The following TANC2 variants were observed in gnomAD, a reference collection of about 807,000 sequenced individuals.
The protein encoded by TANC2 is tetratricopeptide repeat, ankyrin repeat and coiled-coil containing 2, also known as protein TANC2.
Under a neutral mutation model 210.5 loss-of-function variants are expected in TANC2, and 26 were observed. The observed-to-expected ratio is 0.12, with a 90% CI of 0.09 to 0.17. The LOEUF (loss-of-function observed/expected upper bound fraction) is 0.17. Among genes scored for constraint, TANC2 ranks in the 10% least tolerant of loss-of-function variants. The pLI, the probability that TANC2 is intolerant of heterozygous loss-of-function variation, is 1.00. For synonymous variants in TANC2, 931 were observed against 967.1 expected, an observed-to-expected ratio of 0.96 and a Z score of 0.69; for missense variants, 2,129 against 2,608.9, an observed-to-expected ratio of 0.82 and a Z score of 4.01.
chr17:63,076,765 G>A (rs909456879), intron 3 of TANC2, among the ~76,000 whole-genome samples: 2 of 152,038 alleles, frequency 1.3e-5, no homozygotes, highest in African/African-American at 4.8e-5. Context: ...TTTAAAAAAG[G>A]CTCTTAGGCA....
intron 4 of TANC2, chr17:63,125,254 G>T (rs887882358): frequency 2.0e-5 from 3 of 152,134 alleles, no homozygotes; most frequent in Non-Finnish European, 2.9e-5. Context: ...AAGAATTAAA[G>T]GAATTTTTAC....
rs546605743 is a variant in TANC2, at chr17:63,100,287, G to A, written c.322+930G>A. Among the ~76,000 whole-genome samples, 120 of 152,114 alleles carry A rather than the reference G, an allele frequency of 7.9e-4. 2 individuals are homozygous for A. The highest frequency in any genetic ancestry group is 2.7e-3 in the African/African-American group (112 of 41,530). On this transcript the variant is annotated intron_variant, in intron 4 of 27. Transcript: ENST00000689528. ...CTATGTAGAGTGAAACTTTTTCACT[G>A]TTTATAATTTTCATTAAAATAATAG... is the stretch of plus-strand genomic sequence containing the variant.
At chr17:63,099,502 A>AC (rs2037542854) in intron 4 of TANC2, 145 bp downstream of exon 4, 1 of 443,956 alleles carries the variant, frequency 2.3e-6, no homozygotes, top group Non-Finnish European at 3.8e-6. Context: ...CTAAAAAAAA[A>AC]ACTCCAACTG....
At chr17:63,398,333 G>A (rs1162329962) in intron 18 of TANC2, among the ~76,000 whole-genome samples, 2 of 152,016 alleles carry the variant, frequency 1.3e-5, no homozygotes, top group African/African-American at 2.4e-5. Context: ...GTGCATGCCT[G>A]TAGTCCCAGC....
intron 5 of TANC2, among the ~76,000 whole-genome samples, chr17:63,183,445 T>C (rs1158247403): frequency 2.6e-5 from 4 of 152,266 alleles, no homozygotes; most frequent in African/African-American, 7.2e-5. Context: ...GGATGTTTTC[T>C]AGTTGTGGAT....
intron 9 of TANC2, among the ~76,000 whole-genome samples, chr17:63,312,384 T>TA (rs1316273350): frequency 6.6e-6 from 1 of 152,072 alleles, no homozygotes; most frequent in Admixed American, 6.5e-5. Flanking sequence ...TATATAGCCA[T>TA]AAAAAAGAAT....
At chr17:63,414,978 T>C (rs2147370818) in intron 25 of TANC2, among the ~76,000 whole-genome samples, 1 of 152,288 alleles carries the variant, frequency 6.6e-6, no homozygotes, top group African/African-American at 2.4e-5. Flanking sequence ...TTTCCAAAAA[T>C]GGGGAACACT....
chr17:63,153,551 G>T (rs1389324143), intron 5 of TANC2: 1 of 152,146 alleles, frequency 6.6e-6, no homozygotes, highest in South Asian at 2.1e-4. Context: ...AGTAGGTCTG[G>T]AGTGGGTCAA....
intron 13 of TANC2, among the ~76,000 whole-genome samples, chr17:63,354,316 A>G (rs1298576812): frequency 6.6e-6 from 1 of 152,166 alleles, no homozygotes; most frequent in East Asian, 1.9e-4. Context: ...CATTTTATAC[A>G]TCTGTGTTGT....
Position 63,107,879 on chromosome 17 carries a change from A to G in TANC2, c.322+8522A>G, listed in dbSNP as rs568897570. ...AGGGTTTCATTTTGGGGTGATGAAAATGTTCTAAACTTAGATTATGCTGAC... is the reference window on the plus strand; with the variant it reads ...AGGGTTTCATTTTGGGGTGATGAAAGTGTTCTAAACTTAGATTATGCTGAC... On this transcript the variant is annotated intron_variant, in intron 4 of 27. Transcript: ENST00000689528. 1.3e-4 allele frequency among the ~76,000 whole-genome samples: 19 copies of G among 151,836 alleles called. No individual in the cohort carries two copies. The South Asian group carries it at 3.9e-3, about 31-fold the overall frequency.
chr17:63,230,074 G>A (rs1409162827), intron 7 of TANC2, among the ~76,000 whole-genome samples: 1 of 152,154 alleles, frequency 6.6e-6, no homozygotes, highest in Non-Finnish European at 1.5e-5. Flanking sequence ...GGGATTACTG[G>A]TGTGAGCCAC....
chr17:62,969,989 A>C (rs1031773289), intron 1 of TANC2, among the ~76,000 whole-genome samples: 1 of 152,188 alleles, frequency 6.6e-6, no homozygotes, highest in Non-Finnish European at 1.5e-5. Flanking sequence ...ACATATGACA[A>C]AGTATTTATA....
chr17:63,009,499 G>A (rs2033771446), intron 1 of TANC2, 38 bp from the exon 2 acceptor site: 1 of 1,484,682 alleles, frequency 6.7e-7, no homozygotes, highest in South Asian at 1.1e-5. Context: ...TGAAAATAAA[G>A]TTTTCTTAAA....
chr17:63,229,768 G>GT (rs1247423166), intron 7 of TANC2, among the ~76,000 whole-genome samples: 273 of 135,370 alleles, frequency 2.0e-3, no homozygotes, highest in African/African-American at 7.1e-3. Flanking sequence ...ATGATTGTTT[G>GT]TATTTTTTTT....
chr17:62,990,972 G>GA (rs2032829967), intron 1 of TANC2, among the ~76,000 whole-genome samples: 1 of 152,148 alleles, frequency 6.6e-6, no homozygotes, highest in African/African-American at 2.4e-5. Flanking sequence ...GCTAAGAGGT[G>GA]AAAAGGGTCA....
chr17:63,051,512 A>G (rs941418830), intron 2 of TANC2, among the ~76,000 whole-genome samples: 1 of 152,120 alleles, frequency 6.6e-6, no homozygotes, highest in Non-Finnish European at 1.5e-5. Flanking sequence ...AGGGGGATAC[A>G]TGTGGATCTC....
intron 5 of TANC2, among the ~76,000 whole-genome samples, chr17:63,191,909 C>G (rs2041199143): frequency 6.6e-6 from 1 of 152,146 alleles, no homozygotes; most frequent in African/African-American, 2.4e-5. Flanking sequence ...CTTTATTCCA[C>G]CAGAAATCCT....
At chr17:63,327,419 G>A (rs1265441879) in intron 11 of TANC2, among the ~76,000 whole-genome samples, 2 of 152,192 alleles carry the variant, frequency 1.3e-5, no homozygotes, top group Non-Finnish European at 2.9e-5. Flanking sequence ...ATAGCCACAC[G>A]CCCATGTTCA....
chr17:63,305,867 G>C lies in TANC2; in HGVS notation c.1160-8521G>C, dbSNP rs534806616. Among the ~76,000 whole-genome samples the C allele has an allele frequency of 9.2e-5, 14 of 152,340 alleles. No individual in the cohort carries two copies. The East Asian group carries it at 2.7e-3, about 29-fold the overall frequency. Reference sequence around the variant, plus strand: ...AAGGCACAGGAACTGGATTGGAGCAGTTTGTCAGGGTACTCTGTGAAGACT... The same window carrying C: ...AAGGCACAGGAACTGGATTGGAGCACTTTGTCAGGGTACTCTGTGAAGACT... On this transcript the variant is annotated intron_variant, in intron 9 of 27. Transcript: ENST00000689528.
Sources: gnomAD v4.1 joint callset for allele counts (sites outside exome capture counted in the v4.1 genomes callset) on GRCh38, gnomAD v4.1.1 for gene constraint, MANE v1.5 for transcripts, NCBI Gene and HGNC (gene_info 2026-07-23, HGNC 2026-07-21) for gene names.